The following LUZP1 variants were observed in gnomAD, a reference collection of about 807,000 sequenced individuals.
LUZP1 encodes filamin mechanobinding actin cross-linking protein.
A neutral mutation model predicts 71.3 loss-of-function variants in LUZP1; 25 were observed. The ratio of observed to expected loss-of-function variants is 0.35; its 90% CI spans 0.26 to 0.49. The LOEUF is 0.49. LUZP1 is among the 20% of genes least tolerant of loss of function. The pLI is 0.99. For missense variants in LUZP1, 1,142 were observed against 1,300.8 expected, an observed-to-expected ratio of 0.88 and a Z score of 1.88; for synonymous variants, 481 against 506.4, an observed-to-expected ratio of 0.95 and a Z score of 0.67.
exon 4 of LUZP1, chr1:23,091,303 C>T: frequency 6.2e-7 from 1 of 1,614,100 alleles, no homozygotes; most frequent in Non-Finnish European, 8.5e-7. Flanking sequence ...GAGGAGGGCT[C>T]AGGGGCATCC....
intron 1 of LUZP1, among the ~76,000 whole-genome samples, chr1:23,174,002 T>C (rs1644568998): frequency 6.6e-6 from 1 of 152,182 alleles, no homozygotes. Flanking sequence ...TTTTTGTCCC[T>C]GTCTGTATTA....
chr1:23,093,445 T>G lies in LUZP1; in HGVS notation c.817A>C (p.Asn273His). 1 of 1,613,470 alleles carries G rather than the reference T, an allele frequency of 6.2e-7. No individual in the cohort carries two copies. The highest frequency in any genetic ancestry group is 1.3e-5 in the African/African-American group (1 of 74,966). The stretch of plus-strand genomic sequence containing the variant: ...CGGTTCTTTTCATTTTCTGATTTGT[T>G]TCTTGTTTCATTCTCTACCTGCTTT... Residue 273 changes from asparagine to histidine, a missense_variant, in exon 4 of 5, where the codon AAC becomes CAC. By Grantham distance (68) the Asn-to-His change is moderately conservative. Transcript: ENST00000302291. This position sits in a 1 kb window ranked among gnomAD's most constrained non-coding sequence, Gnocchi z 4.2.
Position 23,092,322 on chromosome 1 carries a change from C to T in LUZP1, c.1940G>A (p.Arg647Gln), listed in dbSNP as rs745888186. ...CTCTCTGCCACTGGATTTGATGACT[C>T]GACACCTCAAGGCTTCATGCGGACT... Residue 647 changes from arginine to glutamine, a missense_variant, in exon 4 of 5, where the codon CGA (arginine) becomes CAA (glutamine). Physicochemically the swap from Arg to Gln is conservative, Grantham distance 43 (BLOSUM62 1). Transcript: ENST00000302291. The T allele has an allele frequency of 1.7e-5, 28 of 1,614,144 alleles. No individual in the cohort carries two copies. The South Asian group carries it at 2.1e-4, about 12-fold the overall frequency.
intron 2 of LUZP1, among the ~76,000 whole-genome samples, chr1:23,152,596 T>C (rs116238010): frequency 1.6e-3 from 248 of 152,216 alleles, no homozygotes; most frequent in African/African-American, 5.7e-3. Context: ...AGTGACACAA[T>C]CTGGGCTCAC....
chr1:23,137,256 C>A (rs1644261883), intron 2 of LUZP1, among the ~76,000 whole-genome samples: 1 of 152,218 alleles, frequency 6.6e-6, no homozygotes. Context: ...AAAGGATTTG[C>A]ACAGGCATTT....
At chr1:23,088,950 C>T (rs765432348) in exon 5 of LUZP1, 8 of 1,614,064 alleles carry the variant, frequency 5.0e-6, no homozygotes, top group Middle Eastern at 1.6e-4. Flanking sequence ...GGCCCGTACT[C>T]GCCCAGACTC....
At chr1:23,162,497 G>C (rs1644475940) in intron 2 of LUZP1, among the ~76,000 whole-genome samples, 2 of 150,264 alleles carry the variant, frequency 1.3e-5, no homozygotes, top group Non-Finnish European at 2.9e-5. Context: ...GGAGTGCAGT[G>C]GCGTGATCTC....
At chr1:23,162,970 G>A (rs375113646) in intron 2 of LUZP1, among the ~76,000 whole-genome samples, 30 of 152,008 alleles carry the variant, frequency 2.0e-4, no homozygotes, top group African/African-American at 5.1e-4. Context: ...GGCTGGGTGC[G>A]GTGGCTCACA....
intron 1 of LUZP1, among the ~76,000 whole-genome samples, chr1:23,173,559 G>A (rs1277818064): frequency 2.6e-5 from 4 of 151,744 alleles, no homozygotes; most frequent in East Asian, 3.9e-4. Context: ...GTTTCACCAT[G>A]CTGCCCAGGC....
At chr1:23,166,068 AAAG>A (rs1430339884) in intron 2 of LUZP1, among the ~76,000 whole-genome samples, 3 of 152,016 alleles carry the variant, frequency 2.0e-5, no homozygotes, top group Non-Finnish European at 2.9e-5. Context: ...AAAAAAAAGA[AAAG>A]AAAAACAGCA....
At chr1:23,119,027 C>T (rs372597899) in intron 2 of LUZP1, among the ~76,000 whole-genome samples, 1 of 152,186 alleles carries the variant, frequency 6.6e-6, no homozygotes, top group Non-Finnish European at 1.5e-5. Context: ...GAAAAAGCCA[C>T]AGGTAGGTTG....
chr1:23,143,798 G>C (rs1644323104), intron 2 of LUZP1, among the ~76,000 whole-genome samples: 2 of 152,172 alleles, frequency 1.3e-5, no homozygotes, highest in Non-Finnish European at 2.9e-5. Context: ...ACAACCCTAA[G>C]AACTAGGTAT....
At chr1:23,164,956 A>C (rs1250841765) in intron 2 of LUZP1, among the ~76,000 whole-genome samples, 2 of 152,226 alleles carry the variant, frequency 1.3e-5, no homozygotes, top group African/African-American at 4.8e-5. Context: ...AACTCCTTAA[A>C]TCTTTTGGTA....
At chr1:23,108,455 C>T (rs549893042) in intron 3 of LUZP1, among the ~76,000 whole-genome samples, 1 of 152,124 alleles carries the variant, frequency 6.6e-6, no homozygotes, top group South Asian at 2.1e-4. Flanking sequence ...AAAAAATTAG[C>T]TGGGCATGGT....
chr1:23,144,465 G>A (rs966423127), intron 2 of LUZP1, among the ~76,000 whole-genome samples: 1 of 152,178 alleles, frequency 6.6e-6, no homozygotes, highest in Admixed American at 6.5e-5. Context: ...ATCCATTTAA[G>A]AGTTAAATTG....
intron 2 of LUZP1, among the ~76,000 whole-genome samples, chr1:23,143,391 A>C (rs1644320129): frequency 6.6e-6 from 1 of 152,256 alleles, no homozygotes; most frequent in South Asian, 2.1e-4. Context: ...AGATATACTA[A>C]GGAAATAATA....
chr1:23,126,315 G>A (rs1365792780), intron 2 of LUZP1, among the ~76,000 whole-genome samples: 3 of 152,088 alleles, frequency 2.0e-5, no homozygotes, highest in African/African-American at 7.2e-5. Flanking sequence ...TCCTATTTTA[G>A]ATCCTATTTT....
chr1:23,114,412 G>A (rs549692233), intron 2 of LUZP1, among the ~76,000 whole-genome samples: 1 of 152,330 alleles, frequency 6.6e-6, no homozygotes, highest in East Asian at 1.9e-4. Context: ...GCCGATGGCA[G>A]GATGGGGTGG....
intron 1 of LUZP1, among the ~76,000 whole-genome samples, chr1:23,176,433 A>C (rs1644583055): frequency 6.6e-6 from 1 of 152,124 alleles, no homozygotes; most frequent in African/African-American, 2.4e-5. Flanking sequence ...CTAAAGCAAT[A>C]TTTTTTCCCA....
Sources: allele counts gnomAD v4.1 joint callset (sites outside exome capture counted in the v4.1 genomes callset), GRCh38; gene constraint gnomAD v4.1.1; non-coding constraint Gnocchi (gnomAD v3.1); transcripts MANE v1.5; gene names NCBI Gene and HGNC (gene_info 2026-07-23, HGNC 2026-07-21).